Variants in LARGE1 observed in about 807,000 individuals in gnomAD.
The protein encoded by LARGE1 is xylosyl- and glucuronyltransferase LARGE1.
LARGE1 carries 43 observed loss-of-function variants against 87.6 expected under a neutral mutation model. The observed-to-expected ratio is 0.49, with a 90% CI of 0.38 to 0.63. LARGE1 has a LOEUF of 0.63. Ranked by LOEUF, LARGE1 falls within the 30% of genes least tolerant of loss-of-function variation. LARGE1 has a pLI of 0.00. For missense variants in LARGE1, 802 were observed against 1,000.2 expected, an observed-to-expected ratio of 0.80 and a Z score of 2.67; for synonymous variants, 434 against 394.6, an observed-to-expected ratio of 1.10 and a Z score of -1.18.
chr22:33,252,954 C>G (rs1388966737), intron 11 of LARGE1, among the ~76,000 whole-genome samples: 1 of 152,208 alleles, frequency 6.6e-6, no homozygotes, highest in African/African-American at 2.4e-5. Flanking sequence ...CAGACTCTTT[C>G]TCTCAGCAAT....
chr22:33,073,101 C>T, the LARGE1 span, among the ~76,000 whole-genome samples: 2 of 152,196 alleles, frequency 1.3e-5, no homozygotes, highest in Non-Finnish European at 2.9e-5. Context: ...CGTCTGTTGA[C>T]CGATTTTCTT....
chr22:33,410,904 T>G (rs903429898), intron 7 of LARGE1, among the ~76,000 whole-genome samples: 2 of 152,150 alleles, frequency 1.3e-5, no homozygotes, highest in Admixed American at 6.5e-5. Flanking sequence ...ATCTAAGCAA[T>G]TAGTACTGTG....
intron 1 of LARGE1, among the ~76,000 whole-genome samples, chr22:33,851,816 A>G (rs1396003951): frequency 3.3e-5 from 5 of 152,226 alleles, no homozygotes; most frequent in Admixed American, 3.3e-4. Context: ...GTAGCTTCCT[A>G]ATTTTTATCT....
chr22:33,896,465 T>C (rs1422968963), intron 1 of LARGE1, among the ~76,000 whole-genome samples: 1 of 152,228 alleles, frequency 6.6e-6, no homozygotes, highest in Non-Finnish European at 1.5e-5. Context: ...CTGCTAGATC[T>C]TAAGGTACCA....
intron 9 of LARGE1, among the ~76,000 whole-genome samples, chr22:33,348,204 T>C (rs907505663): frequency 6.6e-6 from 1 of 151,582 alleles, no homozygotes; most frequent in Non-Finnish European, 1.5e-5. Flanking sequence ...GAGGTGGAGG[T>C]TGCGATGAGC....
At chr22:33,346,172 C>G (rs561161719) in intron 9 of LARGE1, among the ~76,000 whole-genome samples, 1 of 152,098 alleles carries the variant, frequency 6.6e-6, no homozygotes, top group Non-Finnish European at 1.5e-5. Context: ...TGTGCTCTCC[C>G]CCTTGCTAGA....
chr22:33,689,216 AGGCT>A (rs1430598495), intron 2 of LARGE1, among the ~76,000 whole-genome samples: 1 of 150,542 alleles, frequency 6.6e-6, no homozygotes, highest in African/African-American at 2.4e-5. Context: ...CATGTGTGTC[AGGCT>A]GGCTAAGTTT....
At chr22:33,818,715 G>A (rs1417776032) in intron 1 of LARGE1, among the ~76,000 whole-genome samples, 1 of 152,264 alleles carries the variant, frequency 6.6e-6, no homozygotes, top group African/African-American at 2.4e-5. Flanking sequence ...AATACCTACC[G>A]AACAATGAAA....
intron 9 of LARGE1, among the ~76,000 whole-genome samples, chr22:33,343,245 A>G (rs1939361458): frequency 6.6e-6 from 1 of 151,984 alleles, no homozygotes; most frequent in Non-Finnish European, 1.5e-5. Context: ...CCTTCCCCTG[A>G]GTGGCTGGGA....
chr22:33,406,233 C>A (rs900253816), intron 7 of LARGE1, among the ~76,000 whole-genome samples: 2 of 152,128 alleles, frequency 1.3e-5, no homozygotes, highest in African/African-American at 4.8e-5. Flanking sequence ...GCCGTGTATA[C>A]CCAGACTTGC....
chr22:33,425,463 G>C (rs2066844314), intron 7 of LARGE1, among the ~76,000 whole-genome samples: 1 of 152,146 alleles, frequency 6.6e-6, no homozygotes, highest in Non-Finnish European at 1.5e-5. Context: ...AAGCCACCCA[G>C]TCTATGGGAC....
chr22:33,686,680 T>A (rs2081954186), intron 2 of LARGE1, among the ~76,000 whole-genome samples: 1 of 152,158 alleles, frequency 6.6e-6, no homozygotes, highest in Non-Finnish European at 1.5e-5. Flanking sequence ...CAGCCATGCT[T>A]TGGTCTTGGG....
At chr22:33,700,712 G>A (rs112813341) in intron 2 of LARGE1, among the ~76,000 whole-genome samples, 3 of 152,066 alleles carry the variant, frequency 2.0e-5, no homozygotes, top group African/African-American at 7.2e-5. Context: ...AGAGTGAGTA[G>A]GAAACCCATA....
At chr22:33,651,389 C>CAAAAAAAAAAA (rs59002897) in intron 2 of LARGE1, among the ~76,000 whole-genome samples, 4 of 54,342 alleles carry the variant, frequency 7.4e-5, no homozygotes, top group South Asian at 1.0e-3. Flanking sequence ...GACTCCGTCT[C>CAAAAAAAAAAA]AAAAAAAAAA....
At chr22:33,092,049 A>T in the LARGE1 span, among the ~76,000 whole-genome samples, 1 of 151,772 alleles carries the variant, frequency 6.6e-6, no homozygotes, top group South Asian at 2.1e-4. Context: ...ACAGGCACCC[A>T]CCACTACACC....
At chr22:33,527,366 G>T (rs935215686) in intron 6 of LARGE1, among the ~76,000 whole-genome samples, 2 of 152,188 alleles carry the variant, frequency 1.3e-5, no homozygotes, top group African/African-American at 2.4e-5. Flanking sequence ...GGTGGTTCAC[G>T]TACAAAGATA....
At chr22:33,602,821 T>A (rs2148971395) in intron 5 of LARGE1, among the ~76,000 whole-genome samples, 1 of 152,254 alleles carries the variant, frequency 6.6e-6, no homozygotes, top group Non-Finnish European at 1.5e-5. Context: ...CACACTTCGG[T>A]GTCTTCTTAC....
At chr22:33,205,637 G>C (rs1429284132) in intron 11 of LARGE1, among the ~76,000 whole-genome samples, 1 of 152,158 alleles carries the variant, frequency 6.6e-6, no homozygotes, top group Non-Finnish European at 1.5e-5. Flanking sequence ...TCAACAGAAA[G>C]ACCAAAGAAA....
At chr22:33,897,256 T>C (rs1244909351) in intron 1 of LARGE1, among the ~76,000 whole-genome samples, 3 of 152,178 alleles carry the variant, frequency 2.0e-5, no homozygotes, top group Non-Finnish European at 4.4e-5. Flanking sequence ...CTACAGCCTT[T>C]AAATCAAGCC....
Sources: allele counts gnomAD v4.1 joint callset (sites outside exome capture counted in the v4.1 genomes callset), GRCh38; gene constraint gnomAD v4.1.1; transcripts MANE v1.5; gene names NCBI Gene and HGNC (gene_info 2026-07-23, HGNC 2026-07-21).